GPM6B: variants seen among roughly 807,000 people sequenced by gnomAD.
GPM6B encodes the protein glycoprotein M6B, also known as neuronal membrane glycoprotein M6-b.
In GPM6B, 4 loss-of-function variants were observed where a neutral mutation model predicts 27.2. The observed-to-expected ratio is 0.15, with a 90% confidence interval of 0.07 to 0.34. The LOEUF is 0.34. GPM6B is among the 10% of genes least tolerant of loss of function. The pLI, the probability that GPM6B is intolerant of heterozygous loss-of-function variation, is 1.00. For synonymous variants in GPM6B, 124 were observed against 103.1 expected (o/e 1.20, Z -1.23); for missense variants, 183 against 261.9 (o/e 0.70, Z 2.08).
intron 2 of GPM6B, among the ~76,000 whole-genome samples, chrX:13,788,511 C>G (rs1454212874): frequency 9.2e-6 from 1 of 108,129 alleles, no homozygotes; most frequent in Non-Finnish European, 1.9e-5. Flanking sequence ...TGATATATAA[C>G]CAGATAAAAT....
At chrX:13,852,843 G>A (rs758743294) in intron 1 of GPM6B, among the ~76,000 whole-genome samples, 20 of 104,263 alleles carry the variant, frequency 1.9e-4, no homozygotes, top group African/African-American at 6.4e-4. Flanking sequence ...GCATGACCAT[G>A]GCTCACTGCA....
At chrX:13,774,920 G>T (rs1328818439) in intron 7 of GPM6B, among the ~76,000 whole-genome samples, 1 of 111,999 alleles carries the variant, frequency 8.9e-6, no homozygotes, top group Non-Finnish European at 1.9e-5. Flanking sequence ...GAAGCTAAAT[G>T]CCTTAATCCT....
At chrX:13,878,003 A>G (rs1168614169) in intron 1 of GPM6B, among the ~76,000 whole-genome samples, 1 of 110,091 alleles carries the variant, frequency 9.1e-6, no homozygotes, top group Admixed American at 9.8e-5. Context: ...ATGTTTCTTA[A>G]TATCATCCAA....
At chrX:13,822,634 C>T (rs1045850345) in intron 1 of GPM6B, among the ~76,000 whole-genome samples, 2 of 109,801 alleles carry the variant, frequency 1.8e-5, no homozygotes, top group African/African-American at 6.6e-5. Context: ...CCTTGGCTTC[C>T]CAAAGTGCTG....
intron 1 of GPM6B, among the ~76,000 whole-genome samples, chrX:13,831,177 TACACACACACACACAC>T (rs536337642): frequency 5.5e-4 from 45 of 81,620 alleles, no homozygotes; most frequent in African/African-American, 1.2e-3. Flanking sequence ...AAGAGCTCAG[TACACACACACACACAC>T]ACACACACAC....
At position 13,885,132 on chromosome X, in the gene GPM6B, T is replaced by C. The variant is rs184887064; in HGVS notation, c.-198+53195A>G. 4.5e-5 allele frequency among the ~76,000 whole-genome samples: 5 copies of C among 112,276 alleles called. No homozygotes were observed. In the Admixed American group the frequency reaches 4.7e-4, roughly 11 times the overall value. On this transcript the variant is annotated intron_variant, in intron 1 of 6. Transcript: ENST00000398361. ...CCAGAACAGGACATTTGAAAACAAC[T>C]ATCTGTACCACTTTTCTTACAAAGT...
At chrX:13,905,111 G>A (rs1185443948) in intron 1 of GPM6B, among the ~76,000 whole-genome samples, 1 of 107,235 alleles carries the variant, frequency 9.3e-6, no homozygotes, top group Non-Finnish European at 1.9e-5. Context: ...CACGCCTGTA[G>A]TCCCAGCTAC....
Position 13,807,629 on chromosome X carries a change from TC to T in GPM6B, c.181+20del. On this transcript the variant is annotated intron_variant, in intron 2 of 7. Transcript: ENST00000316715. Reference sequence around the variant, plus strand: ...ATAACAGTTGACTTGCTATTAGAATTCACCCCAAGGCTGTATTTACCTGGAC... The same window carrying T: ...ATAACAGTTGACTTGCTATTAGAATTACCCCAAGGCTGTATTTACCTGGAC... 2 of 1,116,897 alleles carry T rather than the reference TC, an allele frequency of 1.8e-6. No individual in the cohort carries two copies. The highest frequency in any genetic ancestry group is 2.4e-6 in the Non-Finnish European group (2 of 836,974). 92.0% of individuals were successfully genotyped at this position (1,116,897 alleles called of 1,213,427 possible). A position where few individuals can be genotyped will look rare whatever the true frequency, so the allele number is the denominator to read the frequency against.
rs78104848 is a variant in GPM6B at position 13,780,001 on chromosome X, CAA to C, written c.526-14_526-13del. ...GTGAGGAAAACGAACTAGGCCAAAACAAGAGGAAGGACAATCATCACTGAAAC... is the reference window on the plus strand; with the variant it reads ...GTGAGGAAAACGAACTAGGCCAAAACGAGGAAGGACAATCATCACTGAAAC... On this transcript the variant is annotated splice_polypyrimidine_tract_variant and intron_variant, in intron 4 of 7. Transcript: ENST00000316715. 44 of 1,166,412 alleles carry C rather than the reference CAA, an allele frequency of 3.8e-5. No individual in the cohort carries two copies. In the East Asian group the frequency reaches 1.2e-3, roughly 32 times the overall value.
chrX:13,890,750 G>A (rs1202385689), intron 1 of GPM6B, among the ~76,000 whole-genome samples: 3 of 111,240 alleles, frequency 2.7e-5, no homozygotes, highest in Non-Finnish European at 3.8e-5. Flanking sequence ...ACAACCAAAC[G>A]CATCTGCCAG....
chrX:13,886,973 T>C (rs1342126503), intron 1 of GPM6B, among the ~76,000 whole-genome samples: 2 of 110,830 alleles, frequency 1.8e-5, no homozygotes, highest in Non-Finnish European at 3.8e-5. Flanking sequence ...CATGCCACCA[T>C]AGCCAGCTAA....
chrX:13,859,805 A>G (rs747530108), intron 1 of GPM6B, among the ~76,000 whole-genome samples: 1 of 110,618 alleles, frequency 9.0e-6, no homozygotes, highest in Non-Finnish European at 1.9e-5. Flanking sequence ...GCAAATGTTC[A>G]ATAAATGTCA....
chrX:13,777,882 A>G (rs928616700), intron 5 of GPM6B, among the ~76,000 whole-genome samples: 5 of 111,963 alleles, frequency 4.5e-5, no homozygotes, highest in African/African-American at 9.7e-5. Flanking sequence ...TTAAGTTCCA[A>G]AATTGCAAGT....
At chrX:13,798,130 A>G (rs1430132768) in intron 2 of GPM6B, among the ~76,000 whole-genome samples, 1 of 110,818 alleles carries the variant, frequency 9.0e-6, no homozygotes, top group Non-Finnish European at 1.9e-5. Context: ...ATTACACCAC[A>G]AGAAAGCGTT....
intron 1 of GPM6B, among the ~76,000 whole-genome samples, chrX:13,914,426 C>T (rs1264863418): frequency 1.8e-5 from 2 of 112,542 alleles, no homozygotes; most frequent in African/African-American, 6.5e-5. Flanking sequence ...ACAGATGCAA[C>T]GTCCACAGAA....
chrX:13,834,456 A>G (rs1262254615), intron 1 of GPM6B, among the ~76,000 whole-genome samples: 3 of 112,749 alleles, frequency 2.7e-5, no homozygotes, highest in African/African-American at 6.4e-5. Context: ...AATGCTTGTT[A>G]ATGTCAATTT....
At chrX:13,784,896 T>C (rs937918591) in intron 3 of GPM6B, among the ~76,000 whole-genome samples, 1 of 111,908 alleles carries the variant, frequency 8.9e-6, no homozygotes, top group Middle Eastern at 4.6e-3. Context: ...ACTGCTCCTG[T>C]AGGCTTAGAG....
intron 1 of GPM6B, among the ~76,000 whole-genome samples, chrX:13,868,725 T>C (rs974772642): frequency 8.9e-6 from 1 of 112,368 alleles, no homozygotes; most frequent in African/African-American, 3.2e-5. Flanking sequence ...AGTTTGGCAA[T>C]AGCATTCTTG....
At chrX:13,812,531 G>C (rs2049157460) in intron 1 of GPM6B, among the ~76,000 whole-genome samples, 1 of 111,635 alleles carries the variant, frequency 9.0e-6, no homozygotes, top group South Asian at 3.8e-4. Flanking sequence ...GGAGAAAAAA[G>C]CGAGAGTGTC....
Sources: gnomAD v4.1 joint callset for allele counts (sites outside exome capture counted in the v4.1 genomes callset) on GRCh38, gnomAD v4.1.1 for gene constraint, MANE v1.5 for transcripts, NCBI Gene and HGNC (gene_info 2026-07-23, HGNC 2026-07-21) for gene names.